Variants in IQGAP2 observed in about 807,000 individuals in gnomAD.
IQGAP2 encodes the protein IQ motif containing GTPase activating protein 2, also known as ras GTPase-activating-like protein IQGAP2.
In IQGAP2, 173 loss-of-function variants were observed where a neutral mutation model predicts 201.3. That is an observed-to-expected ratio of 0.86 (90% CI 0.76 to 0.98). The LOEUF (loss-of-function observed/expected upper bound fraction) is 0.98. Ranked by LOEUF, IQGAP2 falls within the 50% of genes least tolerant of loss-of-function variation. The pLI, the probability that IQGAP2 is intolerant of heterozygous loss-of-function variation, is 0.00. For missense variants in IQGAP2, 1,687 were observed against 1,864.8 expected, an observed-to-expected ratio of 0.90 and a Z score of 1.76; for synonymous variants, 675 against 673.9, an observed-to-expected ratio of 1.00 and a Z score of -0.03.
chr5:76,636,890 A>G, intron 15 of IQGAP2, 144 bp from the exon 16 acceptor site: 2 of 531,866 alleles, frequency 3.8e-6, no homozygotes, highest in Non-Finnish European at 6.2e-6. Flanking sequence ...AATTCATTCC[A>G]TGTTAGTGGG....
chr5:76,543,897 C>T (rs958891803), intron 2 of IQGAP2, among the ~76,000 whole-genome samples: 1 of 152,178 alleles, frequency 6.6e-6, no homozygotes, highest in Admixed American at 6.5e-5. Context: ...GAAGTTTTCT[C>T]TATTTCTGAT....
chr5:76,459,815 A>G (rs1345681239), intron 1 of IQGAP2, among the ~76,000 whole-genome samples: 2 of 151,866 alleles, frequency 1.3e-5, no homozygotes, highest in South Asian at 2.1e-4. Flanking sequence ...TAATTTTTGT[A>G]TTTTTAGTAG....
chr5:76,505,520 G>A (rs1757563451), intron 2 of IQGAP2, among the ~76,000 whole-genome samples: 2 of 152,076 alleles, frequency 1.3e-5, no homozygotes, highest in Non-Finnish European at 2.9e-5. Flanking sequence ...GAGGAGACTT[G>A]CATTTTACCG....
intron 17 of IQGAP2, among the ~76,000 whole-genome samples, chr5:76,647,483 GT>G (rs1455090057): frequency 2.1e-4 from 32 of 151,616 alleles, no homozygotes; most frequent in African/African-American, 7.3e-4. Flanking sequence ...CATGGGGGCG[GT>G]TTCCCCCATA....
chr5:76,685,928 C>T (rs905244521), intron 30 of IQGAP2, among the ~76,000 whole-genome samples: 2 of 152,198 alleles, frequency 1.3e-5, no homozygotes, highest in African/African-American at 2.4e-5. Flanking sequence ...TAGTCATTCC[C>T]CATTCCCCGC....
At chr5:76,452,795 A>G (rs560373883) in intron 1 of IQGAP2, among the ~76,000 whole-genome samples, 32 of 152,150 alleles carry the variant, frequency 2.1e-4, no homozygotes, top group African/African-American at 6.5e-4. Context: ...TTGAATCCCA[A>G]TTCTGCCATT....
At chr5:76,522,165 G>T (rs1758719293) in intron 2 of IQGAP2, among the ~76,000 whole-genome samples, 1 of 150,028 alleles carries the variant, frequency 6.7e-6, no homozygotes, top group South Asian at 2.1e-4. Context: ...GTAACCAGGA[G>T]GGAGCATATC....
intron 5 of IQGAP2, among the ~76,000 whole-genome samples, chr5:76,587,564 G>A (rs1746336707): frequency 6.6e-6 from 1 of 152,202 alleles, no homozygotes; most frequent in Non-Finnish European, 1.5e-5. Flanking sequence ...GTGTAACTGA[G>A]TGGTGATTTT....
Position 76,658,458 on chromosome 5 carries a change from G to T in IQGAP2, c.2321-1G>T, listed in dbSNP as rs772842329. On this transcript the variant is annotated splice_acceptor_variant, in intron 20 of 35. Transcript: ENST00000274364. LOFTEE classifies it high-confidence loss of function. ...AAGTATACCTGTTCCTGTCACTGCA[G>T]TTGGCTCTGAAAACCCACCATTAAC... 6.2e-7 allele frequency: 1 copy of T among 1,611,662 alleles called. No homozygotes were observed. The highest frequency in any genetic ancestry group is 8.5e-7 in the Non-Finnish European group (1 of 1,178,018).
chr5:76,677,097 C>A, intron 27 of IQGAP2, 121 bp from the exon 28 acceptor site: 1 of 917,614 alleles, frequency 1.1e-6, no homozygotes, highest in Non-Finnish European at 1.6e-6. Flanking sequence ...GTAACACGTC[C>A]TCTCAAGGTT....
intron 7 of IQGAP2, among the ~76,000 whole-genome samples, chr5:76,590,144 T>G (rs920592018): frequency 3.9e-5 from 6 of 152,312 alleles, no homozygotes; most frequent in Middle Eastern, 3.4e-3. Flanking sequence ...CTCCTGTGGT[T>G]GACATAGGGC....
At chr5:76,554,760 G>A (rs905408642) in intron 2 of IQGAP2, among the ~76,000 whole-genome samples, 26 of 152,234 alleles carry the variant, frequency 1.7e-4, no homozygotes, top group African/African-American at 6.3e-4. Context: ...GTCCTAAAAA[G>A]ATGAAACATA....
intron 1 of IQGAP2, among the ~76,000 whole-genome samples, chr5:76,433,695 C>T (rs1474723220): frequency 1.3e-5 from 2 of 152,086 alleles, no homozygotes; most frequent in African/African-American, 4.8e-5. Context: ...TTTTTTCCTG[C>T]CTGAACCCTG....
At chr5:76,643,922 A>AT (rs35194336) in intron 17 of IQGAP2, among the ~76,000 whole-genome samples, 35,130 of 151,348 alleles carry the variant, frequency 0.23, 4,147 homozygotes, top group South Asian at 0.37. Flanking sequence ...AGATGGCTGG[A>AT]TTTTTTTTAC....
chr5:76,704,725 C>G (rs1384442570), intron 35 of IQGAP2, among the ~76,000 whole-genome samples: 1 of 152,158 alleles, frequency 6.6e-6, no homozygotes, highest in African/African-American at 2.4e-5. Context: ...GATTGCATAC[C>G]CACGGAGCCA....
intron 2 of IQGAP2, among the ~76,000 whole-genome samples, chr5:76,542,392 G>C (rs536770997): frequency 3.3e-5 from 5 of 152,348 alleles, no homozygotes; most frequent in East Asian, 3.9e-4. Flanking sequence ...CTGTGAGCTA[G>C]AGCCAAGTTG....
At chr5:76,615,469 A>G (rs1748858344) in intron 13 of IQGAP2, 1 of 152,248 alleles carries the variant, frequency 6.6e-6, no homozygotes, top group South Asian at 2.1e-4. Flanking sequence ...AAAACTGTGT[A>G]CATTTAAAAA....
chr5:76,617,579 T>A (rs1244654724), intron 13 of IQGAP2: 1 of 1,600,716 alleles, frequency 6.2e-7, no homozygotes, highest in East Asian at 2.2e-5. Flanking sequence ...TAAGATCATT[T>A]CACTATTTTG....
At chr5:76,600,086 T>A (rs4704343) in intron 10 of IQGAP2, among the ~76,000 whole-genome samples, 25,197 of 152,038 alleles carry the variant, frequency 0.17, 2,246 homozygotes, top group Admixed American at 0.28. Flanking sequence ...AGGCGGAGGC[T>A]GCAGTGAGCC....
Sources: gnomAD v4.1 joint callset for allele counts (sites outside exome capture counted in the v4.1 genomes callset) on GRCh38, gnomAD v4.1.1 for gene constraint, MANE v1.5 for transcripts, NCBI Gene and HGNC (gene_info 2026-07-23, HGNC 2026-07-21) for gene names.